COL6A1: variants seen among roughly 807,000 people sequenced by gnomAD.
COL6A1 encodes the protein collagen alpha-1(VI) chain.
A neutral mutation model predicts 145.6 loss-of-function variants in COL6A1; 80 were observed. The observed-to-expected ratio is 0.55, with a 90% CI of 0.46 to 0.66. The LOEUF is 0.66. Among genes scored for constraint, COL6A1 ranks in the 30% least tolerant of loss-of-function variants. The probability of loss-of-function intolerance (pLI) is 0.00; values close to 1 mark genes in which losing one functional copy is unlikely to be tolerated. For missense variants in COL6A1, 1,364 were observed against 1,473.8 expected (o/e 0.93, Z 1.22); for synonymous variants, 638 against 622.8 (o/e 1.02, Z -0.36).
chr21:46,000,953 G>A, intron 29 of COL6A1, 186 bp downstream of exon 29: 1 of 770,222 alleles, frequency 1.3e-6, no homozygotes, highest in Non-Finnish European at 2.2e-6. Flanking sequence ...GCTGGGCCCC[G>A]CCCTCTTTCA....
Position 45,990,371 on chromosome 21 carries a change from C to T in COL6A1, c.958-7C>T. On this transcript the variant is annotated splice_region_variant and splice_polypyrimidine_tract_variant and intron_variant, in intron 12 of 34. Transcript: ENST00000361866. Reference sequence around the variant, plus strand: ...CTGACTCCTGCCTTCGTTTTCCCGCCTCACAGGGAGAGAAGGGCAAGCGTG... The same window carrying T: ...CTGACTCCTGCCTTCGTTTTCCCGCTTCACAGGGAGAGAAGGGCAAGCGTG... 1.4e-6 allele frequency: 2 copies of T among 1,465,064 alleles called. No homozygotes were observed. Among genetic ancestry groups the T allele is most frequent in the South Asian group, 1.1e-5 (1 of 88,148 alleles). 90.8% of individuals were successfully genotyped at this position (1,465,064 alleles called of 1,614,324 possible). A position where few individuals can be genotyped will look rare whatever the true frequency, so the allele number is the denominator to read the frequency against.
In COL6A1 at chr21:45,998,948, C is replaced by A; in HGVS notation, c.1663C>A (p.Pro555Thr). Residue 555 changes from proline to threonine, a missense_variant, in exon 25 of 35, where the codon CCC (proline) becomes ACC (threonine). Transcript: ENST00000361866. Reference sequence around the variant, plus strand: ...GGGGGACGAGGGAGAAGCCGGGGACCCCGGAGACGATGTAAGTGTGGATGG... The same window carrying A: ...GGGGGACGAGGGAGAAGCCGGGGACACCGGAGACGATGTAAGTGTGGATGG... ...LKGDEGEAGD[P>T]GDDNNDIAPR... 6.4e-7 allele frequency: 1 copy of A among 1,554,392 alleles called. No homozygotes were observed. The highest frequency in any genetic ancestry group is 2.4e-5 in the East Asian group (1 of 41,854).
At chr21:45,985,403 C>T (rs2050886689) in intron 3 of COL6A1, among the ~76,000 whole-genome samples, 1 of 151,728 alleles carries the variant, frequency 6.6e-6, no homozygotes, top group Non-Finnish European at 1.5e-5. Flanking sequence ...GAGACAGGGA[C>T]AGACAGAGAC....
chr21:46,000,264 A>G (rs2077835654), intron 27 of COL6A1, 67 bp from the exon 28 acceptor site: 1 of 1,598,756 alleles, frequency 6.3e-7, no homozygotes, highest in South Asian at 1.1e-5. Context: ...CTGGAGATCC[A>G]GCAGCCCACA....
intron 18 of COL6A1, 63 bp from the exon 19 acceptor site, chr21:45,992,685 C>T: frequency 6.6e-7 from 1 of 1,504,138 alleles, no homozygotes; most frequent in South Asian, 1.2e-5. Context: ...GCCTCAAGCC[C>T]CACCCCAGCT....
At position 45,994,037 on chromosome 21, in the gene COL6A1, C is replaced by T; in HGVS notation, c.1336-130C>T. ...AACGCTTGGCGAGGCCAGGAAGGGGCTGTGCGGGGAGGGAAGGCCGGAACA... is the reference window on the plus strand; with the variant it reads ...AACGCTTGGCGAGGCCAGGAAGGGGTTGTGCGGGGAGGGAAGGCCGGAACA... On this transcript the variant is annotated intron_variant, in intron 19 of 34. Coordinates refer to ENST00000361866, the MANE Select transcript of COL6A1 (RefSeq NM_001848.3). This position sits in a 1 kb window ranked among gnomAD's most constrained non-coding sequence, Gnocchi z 6.8. 1.1e-6 allele frequency: 1 copy of T among 927,564 alleles called. No individual in the cohort carries two copies. The highest frequency in any genetic ancestry group is 1.7e-6 in the Non-Finnish European group (1 of 580,796). The allele number at this position is 927,564 out of a possible 1,614,324, so 57.5% of individuals were successfully genotyped here. A position where few individuals can be genotyped will look rare whatever the true frequency, so the allele number is the denominator to read the frequency against.
chr21:45,999,566 G>C, intron 26 of COL6A1, 91 bp from the exon 27 acceptor site: 1 of 1,415,184 alleles, frequency 7.1e-7, no homozygotes, highest in Non-Finnish European at 9.8e-7. Context: ...GCTTGATGAG[G>C]GGCAGGGCCC....
At chr21:45,984,170 T>TG in intron 2 of COL6A1, 99 bp from the exon 3 acceptor site, 1 of 1,196,302 alleles carries the variant, frequency 8.4e-7, no homozygotes, top group East Asian at 2.5e-5. Context: ...ACGGCCAGGG[T>TG]GGGGCAGCCT....
chr21:45,984,166 AG>A, intron 2 of COL6A1, 102 bp from the exon 3 acceptor site: 1 of 1,163,156 alleles, frequency 8.6e-7, no homozygotes, highest in Non-Finnish European at 1.2e-6. Context: ...AGCCACGGCC[AG>A]GGTGGGGCAG....
At chr21:45,998,196 C>T (rs1370497652) in intron 23 of COL6A1, 25 bp downstream of exon 23, 4 of 1,610,090 alleles carry the variant, frequency 2.5e-6, no homozygotes, top group South Asian at 1.1e-5. Flanking sequence ...GCTGAGCCCA[C>T]AGGAACATGC....
intron 22 of COL6A1, 124 bp from the exon 23 acceptor site, chr21:45,997,997 G>T: frequency 7.7e-7 from 1 of 1,303,284 alleles, no homozygotes; most frequent in African/African-American, 1.5e-5. Context: ...TGGCCCCAGG[G>T]GAGGGAGCCG....
chr21:45,990,034 GGGTCCCCCGGGCGGTT>G (rs1306989225), intron 11 of COL6A1, among the ~76,000 whole-genome samples: 2 of 141,128 alleles, frequency 1.4e-5, no homozygotes, highest in African/African-American at 5.1e-5. Context: ...GCGGAGCCGG[GGGTCCCCCGGGCGGTT>G]ACCCTCTGCG....
In COL6A1 at chr21:46,003,114, T is replaced by C; in HGVS notation, c.2435-6T>C. ...GCTCACACTGCACGGCTTTTCTCTT[T>C]TACAGACAAGAAGTGTCCAGATTAC... On this transcript the variant is annotated splice_polypyrimidine_tract_variant and splice_region_variant and intron_variant, in intron 33 of 34. Coordinates refer to ENST00000361866, the MANE Select transcript of COL6A1 (RefSeq NM_001848.3). The C allele has an allele frequency of 6.2e-7, 1 of 1,614,082 alleles. No homozygotes were observed. The highest frequency in any genetic ancestry group is 8.5e-7 in the Non-Finnish European group (1 of 1,179,968).
At position 45,984,367 on chromosome 21, in the gene COL6A1, G is replaced by T; in HGVS notation, c.326G>T (p.Gly109Val). 1 of 1,612,686 alleles carries T rather than the reference G, an allele frequency of 6.2e-7. No individual in the cohort carries two copies. The highest frequency in any genetic ancestry group is 8.5e-7 in the Non-Finnish European group (1 of 1,179,910). The change falls in exon 3 of 35, where the codon GGC becomes GTC. Residue 109 changes from glycine (G) to valine (V), a missense_variant. By Grantham distance (109) the Gly-to-Val change is moderately radical. Coordinates refer to ENST00000361866, the MANE Select transcript of COL6A1 (RefSeq NM_001848.3). Reference sequence around the variant, plus strand: ...CAAGGCCTCACGCGCATGCCTGGCGGCCGCGACGCACTCAAAAGCAGCGTG... The same window carrying T: ...CAAGGCCTCACGCGCATGCCTGGCGTCCGCGACGCACTCAAAAGCAGCGTG... ...IIQGLTRMPG[G>V]RDALKSSVDA...
chr21:45,988,421 G>T (rs1296628473), intron 8 of COL6A1, among the ~76,000 whole-genome samples: 3 of 117,632 alleles, frequency 2.6e-5, no homozygotes, highest in Admixed American at 1.6e-4. Flanking sequence ...GGGGACGTCG[G>T]GGCTCCAGAT....
chr21:45,995,270 G>A (rs987543619), intron 20 of COL6A1, among the ~76,000 whole-genome samples: 24 of 152,266 alleles, frequency 1.6e-4, no homozygotes, highest in African/African-American at 3.1e-4. Context: ...TCCTGGGGAA[G>A]TGCACGGCCT....
chr21:45,989,355 G>A (rs2077760574), intron 9 of COL6A1, among the ~76,000 whole-genome samples: 1 of 152,226 alleles, frequency 6.6e-6, no homozygotes, highest in Non-Finnish European at 1.5e-5. Context: ...GGGGCTGGGT[G>A]GGGAGGTGGC....
rs764765574 is a variant in COL6A1 at position 46,003,912 on chromosome 21, G to A, written c.2986G>A (p.Val996Met). The A allele has an allele frequency of 1.6e-5, 25 of 1,605,518 alleles. No homozygotes were observed. The highest frequency in any genetic ancestry group is 1.9e-5 in the Non-Finnish European group (22 of 1,174,376). ...LVTGKTAEYD[V>M]AYGESHLFRV... ...CACCGGCAAGACGGCCGAGTACGAC[G>A]TGGCCTACGGCGAGAGCCACCTGTT... Residue 996 changes from valine to methionine, a missense_variant, in exon 35 of 35, where the codon GTG becomes ATG. Val to Met is a conservative substitution (Grantham distance 21, BLOSUM62 1). Coordinates refer to ENST00000361866, the MANE Select transcript of COL6A1 (RefSeq NM_001848.3).
chr21:45,999,915 T>TAGA (rs879057227), intron 27 of COL6A1, among the ~76,000 whole-genome samples: 7 of 16,002 alleles, frequency 4.4e-4, no homozygotes, highest in Admixed American at 1.1e-3. Flanking sequence ...GTGAGGATCA[T>TAGA]GGGGGACATG....
Sources: gnomAD v4.1 joint callset for allele counts (sites outside exome capture counted in the v4.1 genomes callset) on GRCh38, gnomAD v4.1.1 for gene constraint, Gnocchi (gnomAD v3.1) non-coding constraint, MANE v1.5 for transcripts, NCBI Gene and HGNC (gene_info 2026-07-23, HGNC 2026-07-21) for gene names.